The following HNRNPLL variants were observed in gnomAD, a reference collection of about 807,000 sequenced individuals.
HNRNPLL encodes the protein heterogeneous nuclear ribonucleoprotein L like, also known as heterogeneous nuclear ribonucleoprotein L-like.
A neutral mutation model predicts 67.1 loss-of-function variants in HNRNPLL; 25 were observed. That is an observed-to-expected ratio of 0.37 (90% CI 0.27 to 0.52). HNRNPLL has a LOEUF of 0.52. HNRNPLL is among the 20% of genes least tolerant of loss of function. The probability of loss-of-function intolerance (pLI) is 0.90; values close to 1 mark genes in which losing one functional copy is unlikely to be tolerated. For synonymous variants in HNRNPLL, 267 were observed against 241.7 expected (o/e 1.10, Z -0.97); for missense variants, 542 against 673.9 (o/e 0.80, Z 2.17).
At position 38,577,466 on chromosome 2, in the gene HNRNPLL, C is replaced by A. The variant is rs1397856120; in HGVS notation, c.869G>T (p.Gly290Val). The A allele has an allele frequency of 6.3e-7, 1 of 1,594,898 alleles. No individual in the cohort carries two copies. The highest frequency in any genetic ancestry group is 1.3e-5 in the African/African-American group (1 of 74,442). The stretch of plus-strand genomic sequence containing the variant: ...TTTCTACCTTGACAACTTACCATAG[C>A]CATCATGTCTAAACGAAGAAGGGTG... ...GEHPSSFRHD[G>V]YGSHGPLLPL... The change falls in exon 7 of 13, where the codon GGC (glycine) becomes GTC (valine). Residue 290 changes from glycine (G) to valine (V), a missense_variant. Gly to Val is a moderately radical substitution (Grantham distance 109). This residue lies in a region of HNRNPLL where 415 missense variants were observed against 575.2 expected (regional missense o/e 0.72). Transcript: ENST00000449105.
rs760483876 is a variant in HNRNPLL, at chr2:38,602,838, G to T, written c.-212C>A. 1.9e-6 allele frequency: 3 copies of T among 1,548,754 alleles called. No individual in the cohort carries two copies. The highest frequency in any genetic ancestry group is 2.6e-6 in the Non-Finnish European group (3 of 1,146,182). On this transcript the variant is annotated 5_prime_UTR_variant, in exon 1 of 13. Coordinates refer to ENST00000449105, the MANE Select transcript of HNRNPLL (RefSeq NM_138394.4). ...GCGCCCCGGGAGGAAGCTCTGGAGC[G>T]GCCGCTCCTCTCAATTACCGAGCCA...
intron 6 of HNRNPLL, among the ~76,000 whole-genome samples, chr2:38,578,882 C>T (rs1171899662): frequency 2.0e-5 from 3 of 152,036 alleles, no homozygotes; most frequent in Admixed American, 1.3e-4. Flanking sequence ...ACTGTCCCCC[C>T]GACCCCATTT....
At chr2:38,574,916 T>G (rs1199617473) in intron 7 of HNRNPLL, among the ~76,000 whole-genome samples, 3 of 151,888 alleles carry the variant, frequency 2.0e-5, no homozygotes, top group Non-Finnish European at 4.4e-5. Flanking sequence ...TCAATTATTC[T>G]TATTCCTATT....
At chr2:38,569,616 G>C (rs1665993280) in intron 9 of HNRNPLL, among the ~76,000 whole-genome samples, 188 bp downstream of exon 9, 1 of 152,036 alleles carries the variant, frequency 6.6e-6, no homozygotes. Flanking sequence ...CTAAAAAGCA[G>C]GTATCGCTAA....
At chr2:38,573,561 T>A in intron 7 of HNRNPLL, 134 bp from the exon 8 acceptor site, 1 of 631,902 alleles carries the variant, frequency 1.6e-6, no homozygotes, top group Non-Finnish European at 2.7e-6. Context: ...CAAAGAAAAC[T>A]CAAATGTATG....
intron 2 of HNRNPLL, among the ~76,000 whole-genome samples, chr2:38,588,859 G>C (rs181999378): frequency 3.1e-4 from 47 of 151,960 alleles, no homozygotes; most frequent in African/African-American, 1.1e-3. Flanking sequence ...AAAGAAAAAA[G>C]GTATTAATAC....
chr2:38,569,784 C>A lies in HNRNPLL; in HGVS notation c.1214+20G>T, dbSNP rs768806557. ...TTTTTAAATATTTTTTAAAATTTAT[C>A]ATTTAAGATAGATAATTACCAAACA... On this transcript the variant is annotated intron_variant, in intron 9 of 12. Transcript: ENST00000449105. The A allele has an allele frequency of 1.6e-6, 2 of 1,239,188 alleles. No homozygotes were observed. Among genetic ancestry groups the A allele is most frequent in the Admixed American group, 4.8e-5 (2 of 42,044 alleles). 76.8% of individuals were successfully genotyped at this position (1,239,188 alleles called of 1,614,324 possible). A position where few individuals can be genotyped will look rare whatever the true frequency, so the allele number is the denominator to read the frequency against.
chr2:38,582,405 G>A (rs960212032), intron 4 of HNRNPLL, among the ~76,000 whole-genome samples: 1 of 152,066 alleles, frequency 6.6e-6, no homozygotes, highest in African/African-American at 2.4e-5. Context: ...CCACCTCCCG[G>A]GTTCAAGCAA....
At position 38,564,103 on chromosome 2, in the gene HNRNPLL, T is replaced by G; in HGVS notation, c.*79A>C. The G allele has an allele frequency of 1.1e-6, 1 of 886,856 alleles. No individual in the cohort carries two copies. The highest frequency in any genetic ancestry group is 1.4e-5 in the South Asian group (1 of 72,618). The allele number at this position is 886,856 out of a possible 1,614,324, so 54.9% of individuals were successfully genotyped here. ...AAGCAAGGCAACATGAGATCAACCA[T>G]TTTAGATTTTTTTTTAATGAAGTGT... On this transcript the variant is annotated 3_prime_UTR_variant, in exon 13 of 13. Coordinates refer to ENST00000449105, the MANE Select transcript of HNRNPLL (RefSeq NM_138394.4).
chr2:38,579,741 A>AT (rs5830537), intron 6 of HNRNPLL, among the ~76,000 whole-genome samples: 37,202 of 150,736 alleles, frequency 0.25, 5,586 homozygotes, highest in African/African-American at 0.43. Context: ...AAAAGTTTTT[A>AT]TTTTTTTTGG....
At chr2:38,595,666 A>C (rs1208234781) in intron 1 of HNRNPLL, among the ~76,000 whole-genome samples, 1 of 152,136 alleles carries the variant, frequency 6.6e-6, no homozygotes, top group African/African-American at 2.4e-5. Context: ...CAACATGGTG[A>C]AACCACATCT....
rs769887514 is a variant in HNRNPLL at position 38,573,195 on chromosome 2, T to G, written c.1092+15A>C. 6.4e-7 allele frequency: 1 copy of G among 1,550,542 alleles called. No individual in the cohort carries two copies. ...AATATCCTAGCAAAAGAAACCAATA[T>G]AAAGAGAAACTTACCTTCTCAATAT... On this transcript the variant is annotated intron_variant, in intron 8 of 12. Transcript: ENST00000449105.
At chr2:38,594,128 T>C (rs540136666) in intron 1 of HNRNPLL, among the ~76,000 whole-genome samples, 26 of 152,204 alleles carry the variant, frequency 1.7e-4, no homozygotes, top group East Asian at 1.9e-4. Context: ...TGAGCCGAGA[T>C]TGCGCCACTG....
rs763117893 is a variant in HNRNPLL at position 38,602,451 on chromosome 2, C to G, written c.176G>C (p.Ser59Thr). The G allele has an allele frequency of 9.6e-5, 148 of 1,536,956 alleles. No homozygotes were observed. In the African/African-American group the frequency reaches 1.9e-3, roughly 20 times the overall value. The change falls in exon 1 of 13, where the codon AGC becomes ACC. Residue 59 changes from serine to threonine, a missense_variant. Ser to Thr is a moderately conservative substitution (Grantham distance 58). Coordinates refer to ENST00000449105, the MANE Select transcript of HNRNPLL (RefSeq NM_138394.4). ...GGGDGGGGGRSFSQPEAGGSH... is the reference protein window; with the variant it reads ...GGGDGGGGGRTFSQPEAGGSH... ...GCGCTTTGTTACCGGCTGAGAGAAG[C>G]TCCGGCCGCCGCCGCCGCCATCGCC... is the stretch of plus-strand genomic sequence containing the variant.
At chr2:38,596,715 T>A (rs1457688494) in intron 1 of HNRNPLL, among the ~76,000 whole-genome samples, 1 of 152,200 alleles carries the variant, frequency 6.6e-6, no homozygotes, top group Non-Finnish European at 1.5e-5. Flanking sequence ...GTCCTTTTTT[T>A]AATCTTTCCT....
chr2:38,573,074 AG>A (rs1666155691), intron 8 of HNRNPLL, 135 bp downstream of exon 8: 1 of 639,890 alleles, frequency 1.6e-6, no homozygotes, highest in African/African-American at 1.9e-5. Flanking sequence ...CCTATATAAT[AG>A]ATTTTTAGCT....
In HNRNPLL at chr2:38,585,891, G is replaced by C. The variant is rs111991473; in HGVS notation, c.309-10C>G. The C allele has an allele frequency of 3.3e-6, 5 of 1,497,944 alleles. No homozygotes were observed. Among genetic ancestry groups the C allele is most frequent in the South Asian group, 1.1e-5 (1 of 88,728 alleles). The allele number at this position is 1,497,944 out of a possible 1,614,324, so 92.8% of individuals were successfully genotyped here. A position where few individuals can be genotyped will look rare whatever the true frequency, so the allele number is the denominator to read the frequency against. ...CATCATCATCACATAGCTGAAAAGG[G>C]AGAAAAGGAGGAAACACACAAACAC... is the stretch of plus-strand genomic sequence containing the variant. On this transcript the variant is annotated splice_polypyrimidine_tract_variant and intron_variant, in intron 2 of 12. Coordinates refer to ENST00000449105, the MANE Select transcript of HNRNPLL (RefSeq NM_138394.4).
At chr2:38,578,654 T>C (rs1284466013) in intron 6 of HNRNPLL, among the ~76,000 whole-genome samples, 1 of 152,086 alleles carries the variant, frequency 6.6e-6, no homozygotes, top group Admixed American at 6.6e-5. Context: ...TTTTACTCAA[T>C]GTAAAAATTC....
chr2:38,599,008 C>T (rs578257330), intron 1 of HNRNPLL, among the ~76,000 whole-genome samples: 1 of 152,322 alleles, frequency 6.6e-6, no homozygotes. Context: ...CCTGTGAGAG[C>T]TAAGTGACCT....
Sources: allele counts gnomAD v4.1 joint callset (sites outside exome capture counted in the v4.1 genomes callset), GRCh38; gene constraint gnomAD v4.1.1; regional missense constraint gnomAD v4.1.1; transcripts MANE v1.5; gene names NCBI Gene and HGNC (gene_info 2026-07-23, HGNC 2026-07-21).